Variants in ABCA7 observed in about 807,000 individuals in gnomAD.
ABCA7 encodes phospholipid-transporting ATPase ABCA7.
ABCA7 carries 261 observed loss-of-function variants against 227.6 expected under a neutral mutation model. The observed-to-expected ratio is 1.15, with a 90% CI of 1.04 to 1.27. The LOEUF (loss-of-function observed/expected upper bound fraction) is 1.27. Ranked by LOEUF, ABCA7 falls within the 50% of genes most tolerant of loss-of-function variation. The probability of loss-of-function intolerance (pLI) is 0.00; values close to 1 mark genes in which losing one functional copy is unlikely to be tolerated. For synonymous variants in ABCA7, 1,488 were observed against 1,279.7 expected (o/e 1.16, Z -3.47); for missense variants, 3,331 against 2,924.5 (o/e 1.14, Z -3.21).
At chr19:1,053,715 G>C (rs2041989977) in intron 24 of ABCA7, 73 bp from the exon 25 acceptor site, 1 of 1,563,046 alleles carries the variant, frequency 6.4e-7, no homozygotes, top group Admixed American at 1.8e-5. Context: ...TGGTGTAGGA[G>C]GGGTGGGGGG....
In ABCA7 at chr19:1,061,777, T is replaced by C. The variant is rs1335010859; in HGVS notation, c.5464-5T>C. ...ACTGAGCACCATCTGTGGGCATCCC[T>C]GTAGTGTTTTGGGCTGCTGGGTGTG... On this transcript the variant is annotated splice_polypyrimidine_tract_variant and splice_region_variant and intron_variant, in intron 40 of 46. Transcript: ENST00000263094. 6.2e-7 allele frequency: 1 copy of C among 1,610,600 alleles called. No individual in the cohort carries two copies.
In ABCA7 at chr19:1,049,317, G is replaced by A; in HGVS notation, c.2432G>A (p.Ser811Asn). The change falls in exon 18 of 47, where the codon AGC becomes AAC. Residue 811 changes from serine to asparagine, a missense_variant. Ser to Asn is a conservative substitution (Grantham distance 46). Transcript: ENST00000263094. ...PGLSPGVSVR[S>N]LEKRFPGSPQ... is the part of the protein sequence containing the mutation. Reference sequence around the variant, plus strand: ...CTGAGTCCTGGCGTCTCCGTTCGCAGCCTGGAGAAGCGCTTTCCTGGAAGC... The same window carrying A: ...CTGAGTCCTGGCGTCTCCGTTCGCAACCTGGAGAAGCGCTTTCCTGGAAGC... 6.2e-7 allele frequency: 1 copy of A among 1,611,502 alleles called. No homozygotes were observed. The highest frequency in any genetic ancestry group is 8.5e-7 in the Non-Finnish European group (1 of 1,179,178).
At chr19:1,065,198 G>T in intron 46 of ABCA7, 27 bp downstream of exon 46, 2 of 1,594,564 alleles carry the variant, frequency 1.3e-6, no homozygotes, top group East Asian at 2.2e-5. Flanking sequence ...GGTCGGGCTG[G>T]GGGAGGCAGG....
Position 1,064,210 on chromosome 19 carries a change from G to C in ABCA7, c.6001G>C (p.Gly2001Arg). 1 of 1,577,480 alleles carries C rather than the reference G, an allele frequency of 6.3e-7. No individual in the cohort carries two copies. Among genetic ancestry groups the C allele is most frequent in the East Asian group, 2.3e-5 (1 of 42,588 alleles). The change falls in exon 45 of 47, where the codon GGG (glycine) becomes CGG (arginine). Residue 2001 changes from glycine to arginine, a missense_variant. By Grantham distance (125) the Gly-to-Arg change is moderately radical. Transcript: ENST00000263094. ...CTCGCGCCTGGCCATCATGGTGAAT[G>C]GGCGGTTCCGCTGCCTGGGCAGCCC... The part of the protein sequence containing the change: ...LCSRLAIMVN[G>R]RFRCLGSPQH...
chr19:1,047,488 C>A lies in ABCA7; in HGVS notation c.2103C>A (p.Cys701Ter). 9 of 1,571,708 alleles carry A rather than the reference C, an allele frequency of 5.7e-6. No individual in the cohort carries two copies. Among genetic ancestry groups the A allele is most frequent in the Non-Finnish European group, 7.7e-6 (9 of 1,163,814 alleles). ...LLSPVAFGFG[C>*]ESLALLEEQG... ...CGCCCGTGGCCTTCGGCTTCGGCTG[C>A]GAGAGCCTGGCTCTGCTGGAGGAGC... The change falls in exon 16 of 47, where the codon TGC becomes TGA. Residue 701 changes from cysteine to a stop codon, truncating the protein, a stop_gained. Transcript: ENST00000263094. LOFTEE classifies it high-confidence loss of function.
At chr19:1,057,150 G>A (rs917240369) in intron 34 of ABCA7, 66 bp downstream of exon 34, 5 of 1,566,076 alleles carry the variant, frequency 3.2e-6, no homozygotes, top group South Asian at 1.2e-5. Context: ...CTGGCCCCTT[G>A]TAGGCAGGGG....
In ABCA7 at chr19:1,057,008, C is replaced by T; in HGVS notation, c.4688C>T (p.Thr1563Ile). The change falls in exon 34 of 47, where the codon ACC becomes ATC. Residue 1563 changes from threonine (T) to isoleucine (I), a missense_variant. Thr to Ile is a moderately conservative substitution (Grantham distance 89). Coordinates refer to ENST00000263094, the MANE Select transcript of ABCA7 (RefSeq NM_019112.4). ...CTTGTCCTCATTGAGGAGCGAGTCA[C>T]CCGAGCCAAGCACCTGCAGCTCATG... ...FTLVLIEERVTRAKHLQLMGG... is the reference protein window; with the variant it reads ...FTLVLIEERVIRAKHLQLMGG... 1 of 1,613,920 alleles carries T rather than the reference C, an allele frequency of 6.2e-7. No individual in the cohort carries two copies. Among genetic ancestry groups the T allele is most frequent in the South Asian group, 1.1e-5 (1 of 91,090 alleles).
In ABCA7 at chr19:1,045,397, G is replaced by T. The variant is rs1046967364; in HGVS notation, c.1445+166G>T. ...CCCGGGGCTCCTTAGACCAATAGGG[G>T]CCCGTGATGGGCGGGGCCTAGGTGC... On this transcript the variant is annotated intron_variant, in intron 12 of 46. Coordinates refer to ENST00000263094, the MANE Select transcript of ABCA7 (RefSeq NM_019112.4). 17 of 699,908 alleles carry T rather than the reference G, an allele frequency of 2.4e-5. 1 individual carries two copies. Among genetic ancestry groups the T allele is most frequent in the Middle Eastern group, 4.0e-4 (1 of 2,528 alleles). 43.4% of individuals were successfully genotyped at this position (699,908 alleles called of 1,614,324 possible). A position where few individuals can be genotyped will look rare whatever the true frequency, so the allele number is the denominator to read the frequency against.
chr19:1,041,269 G>C lies in ABCA7; in HGVS notation c.-93G>C. ...CTGTGGGATAAAGGAATGAGGTTCAGAAAGGGGCAGGGAGTTGCCCGCAGC... is the reference window on the plus strand; with the variant it reads ...CTGTGGGATAAAGGAATGAGGTTCACAAAGGGGCAGGGAGTTGCCCGCAGC... On this transcript the variant is annotated 5_prime_UTR_variant, in exon 2 of 47. Coordinates refer to ENST00000263094, the MANE Select transcript of ABCA7 (RefSeq NM_019112.4). 7.8e-7 allele frequency: 1 copy of C among 1,289,846 alleles called. No homozygotes were observed. The highest frequency in any genetic ancestry group is 1.1e-6 in the Non-Finnish European group (1 of 890,486). The allele number at this position is 1,289,846 out of a possible 1,614,324, so 79.9% of individuals were successfully genotyped here.
rs185968567 is a variant in ABCA7 at position 1,041,491 on chromosome 19, C to G, written c.67-19C>G. On this transcript the variant is annotated intron_variant, in intron 2 of 46. Transcript: ENST00000263094. ...CAGCCCCCACTGTCCCCCACCGTCT[C>G]CCACCTATTCTCCCCCAGGTCCAGC... The G allele has an allele frequency of 6.2e-7, 1 of 1,613,834 alleles. No homozygotes were observed. The highest frequency in any genetic ancestry group is 1.3e-5 in the African/African-American group (1 of 75,048).
chr19:1,052,310 A>C, intron 23 of ABCA7, 24 bp downstream of exon 23: 1 of 1,491,928 alleles, frequency 6.7e-7, no homozygotes, highest in African/African-American at 1.6e-5. Flanking sequence ...TGGGAGACCC[A>C]AGGCGGGTGG....
intron 35 of ABCA7, 148 bp from the exon 36 acceptor site, chr19:1,057,765 GAA>G: frequency 2.7e-6 from 3 of 1,122,460 alleles, no homozygotes; most frequent in East Asian, 2.5e-5. Flanking sequence ...GAGAGAAAGA[GAA>G]AGAGAGAAAG....
chr19:1,058,554 G>A, intron 37 of ABCA7, 64 bp from the exon 38 acceptor site: 1 of 1,597,126 alleles, frequency 6.3e-7, no homozygotes, highest in Non-Finnish European at 8.5e-7. Flanking sequence ...AGAGTGACAT[G>A]GATGGAGAAA....
chr19:1,064,233 C>G lies in ABCA7; in HGVS notation c.6024C>G (p.Ser2008Arg), dbSNP rs2042884356. The G allele has an allele frequency of 6.4e-7, 1 of 1,565,974 alleles. No individual in the cohort carries two copies. Among genetic ancestry groups the G allele is most frequent in the Non-Finnish European group, 8.6e-7 (1 of 1,157,000 alleles). Reference sequence around the variant, plus strand: ...ATGGGCGGTTCCGCTGCCTGGGCAGCCCGCAACATCTCAAGGGCAGGTGAG... The same window carrying G: ...ATGGGCGGTTCCGCTGCCTGGGCAGGCCGCAACATCTCAAGGGCAGGTGAG... ...MVNGRFRCLG[S>R]PQHLKGRFAA... Residue 2008 changes from serine to arginine, a missense_variant, in exon 45 of 47, where the codon AGC becomes AGG. Transcript: ENST00000263094.
rs2040232922 is a variant in ABCA7 at position 1,043,176 on chromosome 19, A to G, written c.715A>G (p.Asn239Asp). The change falls in exon 8 of 47, where the codon AAC becomes GAC. Residue 239 changes from asparagine to aspartate, a missense_variant. By Grantham distance (23) the Asn-to-Asp change is conservative (BLOSUM62 1). Coordinates refer to ENST00000263094, the MANE Select transcript of ABCA7 (RefSeq NM_019112.4). ...GPSSTVGPSL[N>D]WYEASDLMEL... Reference sequence around the variant, plus strand: ...TAGCAGCACAGTGGGCCCCTCCCTCAACTGGTACGAGGCTAGTGACCTGAT... The same window carrying G: ...TAGCAGCACAGTGGGCCCCTCCCTCGACTGGTACGAGGCTAGTGACCTGAT... 1 of 1,611,142 alleles carries G rather than the reference A, an allele frequency of 6.2e-7. No homozygotes were observed. The highest frequency in any genetic ancestry group is 8.5e-7 in the Non-Finnish European group (1 of 1,178,586).
chr19:1,047,402 T>TG (rs1307212826), intron 15 of ABCA7, 24 bp downstream of exon 15: 2 of 1,551,394 alleles, frequency 1.3e-6, no homozygotes, highest in Non-Finnish European at 1.7e-6. Flanking sequence ...CGGGCGTGGA[T>TG]GGGGGACGCC....
Position 1,063,821 on chromosome 19 carries a change from C to T in ABCA7, c.5909C>T (p.Ala1970Val), listed in dbSNP as rs544448889. 1.3e-6 allele frequency: 2 copies of T among 1,544,324 alleles called. No homozygotes were observed. The highest frequency in any genetic ancestry group is 8.7e-7 in the Non-Finnish European group (1 of 1,145,186). ...ARRFLWNSLL[A>V]VVREGRSVML... ...CGCTTCCTTTGGAACAGCCTTTTGG[C>T]CGTGGTGCGGGAGGGCCGTTCAGTG... Residue 1970 changes from alanine (A) to valine (V), a missense_variant, in exon 44 of 47, where the codon GCC becomes GTC. Physicochemically the swap from Ala to Val is moderately conservative, Grantham distance 64. Transcript: ENST00000263094.
intron 42 of ABCA7, 118 bp from the exon 43 acceptor site, chr19:1,063,425 GC>G: frequency 7.2e-7 from 1 of 1,387,552 alleles, no homozygotes; most frequent in Admixed American, 2.1e-5. Flanking sequence ...TCTCACATTT[GC>G]CCTGCCCCAT....
Position 1,065,029 on chromosome 19 carries a change from G to T in ABCA7, c.6143G>T (p.Arg2048Leu). 1 of 1,556,558 alleles carries T rather than the reference G, an allele frequency of 6.4e-7. No homozygotes were observed. The change falls in exon 46 of 47, where the codon CGC becomes CTC. Residue 2048 changes from arginine (R) to leucine (L), a missense_variant. Transcript: ENST00000263094. ...VAAEFPGAEL[R>L]EAHGGRLRFQ... ...GCCGAGTTCCCTGGGGCGGAGCTGCGCGAGGCACATGGAGGCCGCCTGCGC... is the reference window on the plus strand; with the variant it reads ...GCCGAGTTCCCTGGGGCGGAGCTGCTCGAGGCACATGGAGGCCGCCTGCGC...
Sources: gnomAD v4.1 joint callset for allele counts on GRCh38, gnomAD v4.1.1 for gene constraint, MANE v1.5 for transcripts, NCBI Gene and HGNC (gene_info 2026-07-23, HGNC 2026-07-21) for gene names.